The following ANXA8 variants were observed in gnomAD, a reference collection of about 807,000 sequenced individuals.
ANXA8 encodes the protein VAC-beta.
ANXA8 carries 9 observed loss-of-function variants against 26.8 expected under a neutral mutation model. The observed-to-expected ratio is 0.34, with a 90% confidence interval of 0.20 to 0.59. ANXA8 has a LOEUF of 0.59. ANXA8 is among the 20% of genes least tolerant of loss of function. ANXA8 has a pLI of 0.84. For missense variants in ANXA8, 83 were observed against 238.5 expected, an observed-to-expected ratio of 0.35 and a Z score of 4.29; for synonymous variants, 39 against 94.8, an observed-to-expected ratio of 0.41 and a Z score of 3.42.
chr10:47,650,436 A>G, the ANXA8 span, among the ~76,000 whole-genome samples: 1 of 151,734 alleles, frequency 6.6e-6, no homozygotes, highest in Non-Finnish European at 1.5e-5. Flanking sequence ...CAAATTGTGT[A>G]TCTGTTAAGG....
the ANXA8 span, chr10:47,985,599 T>C: frequency 1.5e-4 from 18 of 116,676 alleles, no homozygotes; most frequent in African/African-American, 5.6e-4. Flanking sequence ...ATTCAATGTG[T>C]TTTGTCAAAT....
chr10:47,644,210 C>A, the ANXA8 span, among the ~76,000 whole-genome samples: 1 of 147,452 alleles, frequency 6.8e-6, no homozygotes, highest in East Asian at 1.9e-4. Flanking sequence ...GTCCAGGATA[C>A]TCTACCTGGA....
chr10:47,777,874 C>G, the ANXA8 span, among the ~76,000 whole-genome samples: 1 of 151,740 alleles, frequency 6.6e-6, no homozygotes, highest in African/African-American at 2.4e-5. Context: ...CCCACTTCAG[C>G]CTTCAGAGCA....
the ANXA8 span, among the ~76,000 whole-genome samples, chr10:47,644,916 A>G: frequency 6.6e-6 from 1 of 151,550 alleles, no homozygotes; most frequent in Non-Finnish European, 1.5e-5. Flanking sequence ...CCATTAAATA[A>G]TTTACCAAAT....
chr10:47,637,292 A>C, the ANXA8 span, among the ~76,000 whole-genome samples: 1 of 146,700 alleles, frequency 6.8e-6, no homozygotes, highest in Non-Finnish European at 1.5e-5. Flanking sequence ...TAAGTCTCCT[A>C]GAAAACATTT....
At chr10:47,533,129 C>T in the ANXA8 span, among the ~76,000 whole-genome samples, 3 of 149,040 alleles carry the variant, frequency 2.0e-5, no homozygotes, top group Non-Finnish European at 3.0e-5. Flanking sequence ...CAGTGAGATA[C>T]GTTCAGCAAA....
chr10:47,491,655 T>A, the ANXA8 span: 4 of 1,540,346 alleles, frequency 2.6e-6, no homozygotes, highest in East Asian at 5.0e-5. Flanking sequence ...GGCAGCCAGC[T>A]TCCCCAGGCC....
At chr10:47,575,198 CAAAAAA>C in the ANXA8 span, among the ~76,000 whole-genome samples, 2 of 107,290 alleles carry the variant, frequency 1.9e-5, no homozygotes, top group East Asian at 3.1e-4. Flanking sequence ...GAGTGAAACT[CAAAAAA>C]AAAAAAAAAA....
At chr10:47,558,097 C>G in the ANXA8 span, among the ~76,000 whole-genome samples, 1 of 151,836 alleles carries the variant, frequency 6.6e-6, no homozygotes, top group Admixed American at 6.6e-5. Context: ...CACTAATATT[C>G]TTTGGAAACA....
the ANXA8 span, among the ~76,000 whole-genome samples, chr10:47,571,577 C>CA: frequency 0.019 from 2,817 of 146,428 alleles, 86 homozygotes; most frequent in Middle Eastern, 0.052. Flanking sequence ...CAAAACAAAA[C>CA]AAAAAAAAAG....
chr10:47,553,422 C>T, the ANXA8 span: 1 of 158,650 alleles, frequency 6.3e-6, no homozygotes, highest in Admixed American at 6.5e-5. Flanking sequence ...CGCGATCTTC[C>T]CAGTGCCCCA....
chr10:47,733,239 CTTTCTT>C, the ANXA8 span, among the ~76,000 whole-genome samples: 7 of 60,074 alleles, frequency 1.2e-4, no homozygotes, highest in African/African-American at 2.2e-4. Context: ...TTCTCTCTTT[CTTTCTT>C]TCTTTCTTTC....
chr10:47,595,823 A>C, the ANXA8 span, among the ~76,000 whole-genome samples: 4 of 148,392 alleles, frequency 2.7e-5, no homozygotes, highest in Non-Finnish European at 4.4e-5. Context: ...GGGAACTTCA[A>C]CACTCCACTG....
the ANXA8 span, among the ~76,000 whole-genome samples, chr10:47,546,279 T>G: frequency 1.4e-5 from 2 of 138,006 alleles, no homozygotes; most frequent in African/African-American, 5.2e-5. Flanking sequence ...GTATGTTAAT[T>G]TGTATAACTC....
chr10:47,674,369 C>T, the ANXA8 span, among the ~76,000 whole-genome samples: 18 of 151,186 alleles, frequency 1.2e-4, no homozygotes, highest in Middle Eastern at 6.8e-3. Flanking sequence ...TAGGCTCATG[C>T]AATCCTCCCA....
chr10:47,654,312 A>G, the ANXA8 span, among the ~76,000 whole-genome samples: 125 of 143,612 alleles, frequency 8.7e-4, 1 homozygote, highest in Middle Eastern at 0.01. Flanking sequence ...TTTGAGGAGG[A>G]TGAAAGGTCA....
the ANXA8 span, among the ~76,000 whole-genome samples, chr10:47,506,658 T>G: frequency 7.8e-6 from 1 of 127,922 alleles, no homozygotes; most frequent in Admixed American, 8.1e-5. Flanking sequence ...TTTGTTTGTT[T>G]AGACAGAGTC....
the ANXA8 span, among the ~76,000 whole-genome samples, chr10:47,739,024 C>T: frequency 6.6e-6 from 1 of 150,626 alleles, no homozygotes; most frequent in African/African-American, 2.4e-5. Flanking sequence ...TTGCTCTTCT[C>T]CAGAGCATGT....
chr10:47,530,550 G>A, the ANXA8 span, among the ~76,000 whole-genome samples: 555 of 150,120 alleles, frequency 3.7e-3, no homozygotes, highest in East Asian at 0.016. Flanking sequence ...AAAATTAGCC[G>A]GGCGTGGTGG....
Sources: gnomAD v4.1 joint callset for allele counts (sites outside exome capture counted in the v4.1 genomes callset) on GRCh38, gnomAD v4.1.1 for gene constraint, MANE v1.5 for transcripts, NCBI Gene and HGNC (gene_info 2026-07-23, HGNC 2026-07-21) for gene names.